Variants in HMCN1 observed in about 807,000 individuals in gnomAD.
HMCN1 encodes hemicentin-1.
Under a neutral mutation model 625.9 loss-of-function variants are expected in HMCN1, and 321 were observed. That is an observed-to-expected ratio of 0.51 (90% CI 0.47 to 0.56). The LOEUF (loss-of-function observed/expected upper bound fraction) is 0.56, where lower values mean the gene tolerates loss of function less well. Ranked by LOEUF, HMCN1 falls within the 20% of genes least tolerant of loss-of-function variation. The pLI, the probability that HMCN1 is intolerant of heterozygous loss-of-function variation, is 0.00. For missense variants in HMCN1, 6,588 were observed against 6,887.3 expected, an observed-to-expected ratio of 0.96 and a Z score of 1.54; for synonymous variants, 2,425 against 2,417.6, an observed-to-expected ratio of 1.00 and a Z score of -0.09.
intron 105 of HMCN1, among the ~76,000 whole-genome samples, chr1:186,185,837 A>G (rs1281375046): frequency 6.6e-6 from 1 of 152,198 alleles, no homozygotes; most frequent in Non-Finnish European, 1.5e-5. Context: ...TTTGACCGTC[A>G]GGACCCACCT....
At chr1:185,871,152 C>T (rs941854334) in intron 4 of HMCN1, among the ~76,000 whole-genome samples, 10 of 150,706 alleles carry the variant, frequency 6.6e-5, no homozygotes, top group African/African-American at 2.4e-4. Context: ...TCGCTTGAGG[C>T]TGGGAGGCAG....
intron 34 of HMCN1, among the ~76,000 whole-genome samples, chr1:186,018,607 A>G (rs910413902): frequency 4.6e-5 from 7 of 152,068 alleles, no homozygotes; most frequent in Admixed American, 4.6e-4. Context: ...AAATAAATGT[A>G]GACAGAATTT....
At chr1:185,965,999 G>C (rs1571631035) in intron 14 of HMCN1, 84 bp downstream of exon 14, 2 of 886,704 alleles carry the variant, frequency 2.3e-6, no homozygotes, top group Non-Finnish European at 3.8e-6. Flanking sequence ...ACTTTGTTTT[G>C]GTGTGTGACT....
At chr1:185,952,357 TG>T (rs1222839620) in intron 11 of HMCN1, among the ~76,000 whole-genome samples, 1 of 150,708 alleles carries the variant, frequency 6.6e-6, no homozygotes, top group Non-Finnish European at 1.5e-5. Flanking sequence ...AGGAGCAGCC[TG>T]GGGAGGAAGG....
chr1:185,883,015 G>A (rs1275145173), intron 4 of HMCN1, among the ~76,000 whole-genome samples: 2 of 152,018 alleles, frequency 1.3e-5, no homozygotes, highest in African/African-American at 4.8e-5. Flanking sequence ...CCTAAGGGCA[G>A]GGAGGACAAG....
intron 11 of HMCN1, among the ~76,000 whole-genome samples, chr1:185,956,917 T>G (rs993734579): frequency 6.6e-6 from 1 of 152,224 alleles, no homozygotes; most frequent in African/African-American, 2.4e-5. Context: ...AGACAAAATA[T>G]ATATTTCACG....
rs750596961 is a variant in HMCN1, at chr1:185,860,019, C to T, written c.340-4451C>T. Among the ~76,000 whole-genome samples the T allele has an allele frequency of 5.3e-5, 8 of 151,822 alleles. No homozygotes were observed. In the East Asian group the frequency reaches 9.7e-4, roughly 18 times the overall value. On this transcript the variant is annotated intron_variant, in intron 2 of 106. Coordinates refer to ENST00000271588, the MANE Select transcript of HMCN1 (RefSeq NM_031935.3). ...TTGTGATTTAAAATTATTAGAAAAC[C>T]GAACTGAAATATCAGATAGAGAGCT...
chr1:185,846,506 G>A (rs2102319802), intron 2 of HMCN1, among the ~76,000 whole-genome samples: 1 of 152,276 alleles, frequency 6.6e-6, no homozygotes, highest in East Asian at 1.9e-4. Flanking sequence ...GCTGCTATAA[G>A]TCAGCCATAT....
At chr1:186,002,882 C>A (rs986847520) in intron 28 of HMCN1, among the ~76,000 whole-genome samples, 3 of 152,120 alleles carry the variant, frequency 2.0e-5, no homozygotes, top group African/African-American at 7.2e-5. Context: ...TTCTCCCCAA[C>A]ATTTCAAATC....
At chr1:185,908,721 G>C (rs1666240920) in intron 4 of HMCN1, among the ~76,000 whole-genome samples, 1 of 151,352 alleles carries the variant, frequency 6.6e-6, no homozygotes, top group Non-Finnish European at 1.5e-5. Flanking sequence ...TCTCTTTAAT[G>C]CAATGCTTTT....
In HMCN1 at chr1:186,088,251, A is replaced by T. The variant is rs1349395763; in HGVS notation, c.9552A>T (p.Ala3184=). Residue 3184 remains alanine, a synonymous_variant, in exon 62 of 107, where the codon GCA becomes GCT. Coordinates refer to ENST00000271588, the MANE Select transcript of HMCN1 (RefSeq NM_031935.3). The part of the protein sequence containing the change: ...DATGIPPPTI[A]WLKNHKRIEN... ...CTGGGATCCCACCTCCCACGATAGC[A>T]TGGTTAAAGAACCACAAGCGCATAG... 6.2e-7 allele frequency: 1 copy of T among 1,612,778 alleles called. No individual in the cohort carries two copies. The highest frequency in any genetic ancestry group is 8.5e-7 in the Non-Finnish European group (1 of 1,179,252).
chr1:186,182,511 G>A (rs539301948), intron 105 of HMCN1, among the ~76,000 whole-genome samples: 2 of 152,294 alleles, frequency 1.3e-5, no homozygotes, highest in South Asian at 4.1e-4. Context: ...GGTCTTACTA[G>A]AAGGAGCAAG....
chr1:186,129,004 T>A (rs1571392770), intron 83 of HMCN1, among the ~76,000 whole-genome samples: 2 of 152,158 alleles, frequency 1.3e-5, no homozygotes, highest in East Asian at 3.9e-4. Context: ...TTAGTTAATG[T>A]TAATTCCAGT....
chr1:186,166,428 G>A, intron 99 of HMCN1, 125 bp downstream of exon 99: 1 of 1,212,652 alleles, frequency 8.2e-7, no homozygotes. Flanking sequence ...AACAAACAAA[G>A]AAGGTCTCCA....
At chr1:186,147,318 CATTT>C (rs938606849) in intron 93 of HMCN1, among the ~76,000 whole-genome samples, 1 of 151,368 alleles carries the variant, frequency 6.6e-6, no homozygotes, top group Non-Finnish European at 1.5e-5. Flanking sequence ...TCCAACCTTA[CATTT>C]ATTTGTGGGA....
intron 1 of HMCN1, among the ~76,000 whole-genome samples, chr1:185,759,127 G>A (rs77324105): frequency 4.4e-4 from 67 of 152,286 alleles, no homozygotes; most frequent in African/African-American, 1.5e-3. Flanking sequence ...AACTTGGCTG[G>A]AACCTGTTTT....
At chr1:185,864,047 C>G (rs1663030852) in intron 2 of HMCN1, among the ~76,000 whole-genome samples, 1 of 152,150 alleles carries the variant, frequency 6.6e-6, no homozygotes, top group South Asian at 2.1e-4. Flanking sequence ...AGGCATCTGG[C>G]TGCTTCTGCA....
chr1:186,138,050 T>C, intron 89 of HMCN1, 78 bp downstream of exon 89: 2 of 1,475,230 alleles, frequency 1.4e-6, no homozygotes, highest in Non-Finnish European at 1.9e-6. Context: ...ATTTGCCTTT[T>C]CTTCTTCATT....
chr1:186,003,736 G>C lies in HMCN1; in HGVS notation c.4367G>C (p.Gly1456Ala). The change falls in exon 29 of 107, where the codon GGT (glycine) becomes GCT (alanine). Residue 1456 changes from glycine to alanine, a missense_variant. Gly to Ala is a moderately conservative substitution (Grantham distance 60). This residue lies in a region of HMCN1 where 4,628 missense variants were observed against 4,853.1 expected (regional missense o/e 0.95). Transcript: ENST00000271588. ...IDVLVPPTIIGTNFPNEVSVV... is the reference protein window; with the variant it reads ...IDVLVPPTIIATNFPNEVSVV... ...GTTCAAGTTCCACCCACCATAATAG[G>C]TACCAACTTCCCAAATGAAGTCTCA... 1 of 1,613,106 alleles carries C rather than the reference G, an allele frequency of 6.2e-7. No individual in the cohort carries two copies. The highest frequency in any genetic ancestry group is 8.5e-7 in the Non-Finnish European group (1 of 1,179,338).
Sources: allele counts gnomAD v4.1 joint callset (sites outside exome capture counted in the v4.1 genomes callset), GRCh38; gene constraint gnomAD v4.1.1; regional missense constraint gnomAD v4.1.1; transcripts MANE v1.5; gene names NCBI Gene and HGNC (gene_info 2026-07-23, HGNC 2026-07-21).